Variants in NF2 observed in about 807,000 individuals in gnomAD.
NF2 encodes NF2, moesin-ezrin-radixin like (MERLIN) tumor suppressor.
Under a neutral mutation model 83.7 loss-of-function variants are expected in NF2, and 8 were observed. The observed-to-expected ratio is 0.10, with a 90% CI of 0.06 to 0.17. The LOEUF (loss-of-function observed/expected upper bound fraction) is 0.17. Among genes scored for constraint, NF2 ranks in the 10% least tolerant of loss-of-function variants. NF2 has a pLI of 1.00. For synonymous variants in NF2, 266 were observed against 269.6 expected, an observed-to-expected ratio of 0.99 and a Z score of 0.13; for missense variants, 533 against 744.4, an observed-to-expected ratio of 0.72 and a Z score of 3.31.
At chr22:29,627,983 T>A (rs2065409391) in intron 1 of NF2, among the ~76,000 whole-genome samples, 1 of 152,228 alleles carries the variant, frequency 6.6e-6, no homozygotes, top group Admixed American at 6.5e-5. Context: ...CATAAATTCT[T>A]GCTTCATTGC....
intron 1 of NF2, among the ~76,000 whole-genome samples, chr22:29,632,658 C>T (rs866525908): frequency 5.9e-5 from 9 of 152,120 alleles, no homozygotes. Flanking sequence ...GGTGGGTGAG[C>T]GGGAGTTAAC....
intron 6 of NF2, among the ~76,000 whole-genome samples, chr22:29,656,995 CTTCTT>C (rs1302903400): frequency 6.6e-6 from 1 of 151,774 alleles, no homozygotes; most frequent in Non-Finnish European, 1.5e-5. Context: ...ATTTTTTTCT[CTTCTT>C]CAAATCAGTT....
intron 1 of NF2, among the ~76,000 whole-genome samples, chr22:29,606,104 G>A (rs534772152): frequency 4.9e-4 from 74 of 152,286 alleles, no homozygotes; most frequent in African/African-American, 1.6e-3. Context: ...GCAGGCTTGC[G>A]CCACCATGTC....
At chr22:29,621,590 C>T (rs966334403) in intron 1 of NF2, among the ~76,000 whole-genome samples, 1 of 151,850 alleles carries the variant, frequency 6.6e-6, no homozygotes, top group Admixed American at 6.6e-5. Context: ...TCACATGAGC[C>T]TGGGAGGTCG....
intron 4 of NF2, among the ~76,000 whole-genome samples, chr22:29,648,685 C>G (rs2066053955): frequency 6.6e-6 from 1 of 152,216 alleles, no homozygotes; most frequent in African/African-American, 2.4e-5. Flanking sequence ...GGCACAATCT[C>G]CACCCACTAC....
At chr22:29,646,266 C>A (rs1216836505) in intron 4 of NF2, among the ~76,000 whole-genome samples, 1 of 152,110 alleles carries the variant, frequency 6.6e-6, no homozygotes, top group Non-Finnish European at 1.5e-5. Context: ...AAATTTTTAG[C>A]CCACTTCTCG....
chr22:29,668,911 G>A (rs2147055896), intron 10 of NF2, among the ~76,000 whole-genome samples: 1 of 152,338 alleles, frequency 6.6e-6, no homozygotes, highest in African/African-American at 2.4e-5. Flanking sequence ...CAGGCCTTAT[G>A]GCATGTCACC....
Position 29,698,422 on chromosome 22 carries a change from G to GCC in NF2, c.*3623_*3624dup, listed in dbSNP as rs2067613531. The GCC allele has an allele frequency of 4.5e-6, 1 of 221,352 alleles. No homozygotes were observed. The highest frequency in any genetic ancestry group is 6.5e-5 in the East Asian group (1 of 15,378). The allele number at this position is 221,352 out of a possible 1,614,324, so 13.7% of individuals were successfully genotyped here. ...GCCCAGTGACCCTGGGCCCAAGCCAGCCCCTCCAGGGCTTTCAGGGAAGCG... is the reference window on the plus strand; with the variant it reads ...GCCCAGTGACCCTGGGCCCAAGCCAGCCCCCCTCCAGGGCTTTCAGGGAAGCG... On this transcript the variant is annotated 3_prime_UTR_variant, in exon 16 of 16. Coordinates refer to ENST00000338641, the MANE Select transcript of NF2 (RefSeq NM_000268.4).
At chr22:29,687,539 G>A (rs968910035) in intron 15 of NF2, among the ~76,000 whole-genome samples, 6 of 152,206 alleles carry the variant, frequency 3.9e-5, no homozygotes, top group Non-Finnish European at 8.8e-5. Context: ...AGTGGCCAGA[G>A]CCTCCCTGGC....
Position 29,654,699 on chromosome 22 carries a change from G to A in NF2, c.490G>A (p.Ala164Thr). 1.9e-6 allele frequency: 3 copies of A among 1,613,942 alleles called. No homozygotes were observed. The highest frequency in any genetic ancestry group is 2.2e-5 in the East Asian group (1 of 44,878). The change falls in exon 5 of 16, where the codon GCC becomes ACC. Residue 164 changes from alanine to threonine, a missense_variant. Coordinates refer to ENST00000338641, the MANE Select transcript of NF2 (RefSeq NM_000268.4). ...DPSVHKRGFLAQEELLPKRVI... is the reference protein window; with the variant it reads ...DPSVHKRGFLTQEELLPKRVI... ...CAGTGTTCACAAGCGGGGATTTTTG[G>A]CCCAAGAGGAATTGCTTCCAAAAAG... is the stretch of plus-strand genomic sequence containing the variant.
chr22:29,681,445 A>T lies in NF2; in HGVS notation c.1581A>T (p.Glu527Asp), dbSNP rs770627371. ...LSMEIEKEKV[E>D]YMEKSKHLQE... is the part of the protein sequence containing the mutation. ...GATACCCTCTTGCCGGCAGAGTGGA[A>T]TACATGGAAAAGAGCAAGCATCTGC... The change falls in exon 15 of 16, where the codon GAA (glutamate) becomes GAT (aspartate). Residue 527 changes from glutamate to aspartate, a missense_variant. This residue lies in a region of NF2 where 199 missense variants were observed against 240.7 expected (regional missense o/e 0.83). Coordinates refer to ENST00000338641, the MANE Select transcript of NF2 (RefSeq NM_000268.4). The T allele has an allele frequency of 6.2e-6, 10 of 1,614,122 alleles. No individual in the cohort carries two copies. The highest frequency in any genetic ancestry group is 8.5e-6 in the Non-Finnish European group (10 of 1,180,008).
At chr22:29,689,254 C>G (rs941652639) in intron 15 of NF2, among the ~76,000 whole-genome samples, 1 of 150,450 alleles carries the variant, frequency 6.6e-6, no homozygotes, top group Non-Finnish European at 1.5e-5. Flanking sequence ...TCCCCCTTTA[C>G]TGGCCCTTCC....
At chr22:29,678,467 G>A in intron 14 of NF2, 144 bp downstream of exon 14, 1 of 918,226 alleles carries the variant, frequency 1.1e-6, no homozygotes. Context: ...TTACACCCTG[G>A]AGGAAGAATT....
chr22:29,695,598 C>T lies in NF2; in HGVS notation c.*796C>T, dbSNP rs1459841538. The stretch of plus-strand genomic sequence containing the variant: ...CACTCATGTCTTCCCCATTGCCCGA[C>T]GCCCATAGACGCTCCTTCCTGTGTG... On this transcript the variant is annotated 3_prime_UTR_variant, in exon 16 of 16. Transcript: ENST00000338641. The surrounding 1 kb of genome is among the most constrained non-coding windows in gnomAD (Gnocchi z 5.4). 3 of 234,656 alleles carry T rather than the reference C, an allele frequency of 1.3e-5. No individual in the cohort carries two copies. The highest frequency in any genetic ancestry group is 2.2e-5 in the African/African-American group (1 of 45,350). 14.5% of individuals were successfully genotyped at this position (234,656 alleles called of 1,614,324 possible).
chr22:29,657,386 G>T (rs1245004133), intron 6 of NF2, among the ~76,000 whole-genome samples: 1 of 152,194 alleles, frequency 6.6e-6, no homozygotes, highest in Admixed American at 6.5e-5. Flanking sequence ...CAGTTAGGTT[G>T]TTGGGTTGTC....
chr22:29,686,564 G>C (rs2067274997), intron 15 of NF2, among the ~76,000 whole-genome samples: 2 of 152,202 alleles, frequency 1.3e-5, no homozygotes, highest in Non-Finnish European at 2.9e-5. Context: ...GCTTGAACCT[G>C]GGAGGTGGGG....
In NF2 at chr22:29,617,973, A is replaced by C. The variant is rs995938212; in HGVS notation, c.114+13861A>C. Among the ~76,000 whole-genome samples, 6 of 152,214 alleles carry C rather than the reference A, an allele frequency of 3.9e-5. No individual in the cohort carries two copies. In the South Asian group the frequency reaches 8.3e-4, roughly 21 times the overall value. On this transcript the variant is annotated intron_variant, in intron 1 of 15. Transcript: ENST00000338641. ...ATGAGACTAATAATGCTGACCCTGC[A>C]GAGTTCTTATAAGGATTCATGGAAT...
chr22:29,686,886 A>C (rs926712539), intron 15 of NF2, among the ~76,000 whole-genome samples: 1 of 152,096 alleles, frequency 6.6e-6, no homozygotes, highest in African/African-American at 2.4e-5. Flanking sequence ...GTGTCCTGGC[A>C]TCTGAGCCTT....
At chr22:29,605,761 TACTC>T (rs1285800134) in intron 1 of NF2, among the ~76,000 whole-genome samples, 2 of 152,206 alleles carry the variant, frequency 1.3e-5, no homozygotes, top group Non-Finnish European at 2.9e-5. Flanking sequence ...ATTCCCTCCT[TACTC>T]ACTCCTAGCT....
Sources: gnomAD v4.1 joint callset for allele counts (sites outside exome capture counted in the v4.1 genomes callset) on GRCh38, gnomAD v4.1.1 for gene constraint, gnomAD v4.1.1 regional missense constraint, Gnocchi (gnomAD v3.1) non-coding constraint, MANE v1.5 for transcripts, NCBI Gene and HGNC (gene_info 2026-07-23, HGNC 2026-07-21) for gene names.